BOLL: variants seen among roughly 807,000 people sequenced by gnomAD.
BOLL encodes boule RNA binding protein, also known as protein boule-like.
Under a neutral mutation model 44.4 loss-of-function variants are expected in BOLL, and 23 were observed. That is an observed-to-expected ratio of 0.52 (90% confidence interval 0.37 to 0.73). The LOEUF (loss-of-function observed/expected upper bound fraction) is 0.73. Among genes scored for constraint, BOLL ranks in the 30% least tolerant of loss-of-function variants. BOLL has a pLI of 0.00. For synonymous variants in BOLL, 97 were observed against 110.8 expected, an observed-to-expected ratio of 0.88 and a Z score of 0.78; for missense variants, 287 against 338.3, an observed-to-expected ratio of 0.85 and a Z score of 1.19.
At chr2:197,763,477 C>CT (rs1688855893) in intron 7 of BOLL, among the ~76,000 whole-genome samples, 1 of 61,052 alleles carries the variant, frequency 1.6e-5, no homozygotes, top group Non-Finnish European at 2.8e-5. Context: ...GAGAGTCCGT[C>CT]TTAAAAAAAA....
At chr2:197,757,324 A>G (rs1688561587) in intron 8 of BOLL, 29 bp downstream of exon 8, 4 of 1,579,552 alleles carry the variant, frequency 2.5e-6, no homozygotes, top group Non-Finnish European at 2.6e-6. Flanking sequence ...AGAAGGATTT[A>G]AAATTATATA....
intron 9 of BOLL, among the ~76,000 whole-genome samples, chr2:197,750,166 A>G (rs1688169914): frequency 6.6e-6 from 1 of 152,214 alleles, no homozygotes; most frequent in African/African-American, 2.4e-5. Flanking sequence ...ATGGAAAGGA[A>G]AAACCAGTAC....
chr2:197,769,572 C>T (rs1689144008), intron 6 of BOLL, among the ~76,000 whole-genome samples: 1 of 152,106 alleles, frequency 6.6e-6, no homozygotes, highest in Non-Finnish European at 1.5e-5. Flanking sequence ...TCCCTCTTTG[C>T]AGATGACATG....
intron 9 of BOLL, among the ~76,000 whole-genome samples, chr2:197,751,772 G>A (rs1377411330): frequency 6.6e-6 from 1 of 151,880 alleles, no homozygotes; most frequent in Non-Finnish European, 1.5e-5. Flanking sequence ...AGAAAAAGAG[G>A]GACTCCTTCC....
chr2:197,775,890 G>A, intron 4 of BOLL, 150 bp from the exon 5 acceptor site: 1 of 444,210 alleles, frequency 2.3e-6, no homozygotes, highest in Non-Finnish European at 3.9e-6. Flanking sequence ...GCCGTCTTCA[G>A]ACTGAAATAG....
chr2:197,751,868 C>T (rs1307870842), intron 9 of BOLL, among the ~76,000 whole-genome samples: 1 of 151,204 alleles, frequency 6.6e-6, no homozygotes, highest in Non-Finnish European at 1.5e-5. Flanking sequence ...TTCAGGCCAA[C>T]ATCCCTAATG....
At chr2:197,730,769 A>T (rs1687125462) in intron 10 of BOLL, among the ~76,000 whole-genome samples, 1 of 152,130 alleles carries the variant, frequency 6.6e-6, no homozygotes, top group Non-Finnish European at 1.5e-5. Context: ...ATGCTGAGAG[A>T]TTTTGTCACC....
At chr2:197,752,913 G>A (rs1392246560) in intron 9 of BOLL, among the ~76,000 whole-genome samples, 2 of 152,088 alleles carry the variant, frequency 1.3e-5, no homozygotes, top group African/African-American at 2.4e-5. Flanking sequence ...ATACTACAAG[G>A]CTACACTAAC....
chr2:197,771,049 G>GT (rs1559414284), intron 6 of BOLL, among the ~76,000 whole-genome samples: 1 of 151,990 alleles, frequency 6.6e-6, no homozygotes, highest in East Asian at 1.9e-4. Flanking sequence ...ACATGTAAAC[G>GT]TATGTTTACT....
At chr2:197,757,254 A>C in intron 8 of BOLL, 99 bp downstream of exon 8, 1 of 960,162 alleles carries the variant, frequency 1.0e-6, no homozygotes, top group Non-Finnish European at 1.6e-6. Flanking sequence ...AAACAGAAGA[A>C]GAAGGTCTCA....
intron 4 of BOLL, 79 bp from the exon 5 acceptor site, chr2:197,775,819 A>C: frequency 1.2e-6 from 1 of 823,206 alleles, no homozygotes; most frequent in Non-Finnish European, 1.8e-6. Context: ...ACTAGTTAGA[A>C]AGAATTTCAA....
Position 197,728,372 on chromosome 2 carries a change from G to C in BOLL, c.*183C>G. Reference sequence around the variant, plus strand: ...ACCTAAATAATTTTGTAGAACAGCTGAAAAAGCAAATTTCATCAAATTTAG... The same window carrying C: ...ACCTAAATAATTTTGTAGAACAGCTCAAAAAGCAAATTTCATCAAATTTAG... On this transcript the variant is annotated 3_prime_UTR_variant, in exon 11 of 11. Coordinates refer to ENST00000392296, the MANE Select transcript of BOLL (RefSeq NM_033030.6). 4 of 1,016,008 alleles carry C rather than the reference G, an allele frequency of 3.9e-6. No homozygotes were observed. The highest frequency in any genetic ancestry group is 5.7e-6 in the Non-Finnish European group (4 of 703,684). 62.9% of individuals were successfully genotyped at this position (1,016,008 alleles called of 1,614,324 possible).
At chr2:197,738,922 TAA>T (rs1468397354) in intron 10 of BOLL, among the ~76,000 whole-genome samples, 1 of 152,158 alleles carries the variant, frequency 6.6e-6, no homozygotes, top group Admixed American at 6.6e-5. Context: ...ATTTGTATAT[TAA>T]GATTTCCATG....
intron 9 of BOLL, among the ~76,000 whole-genome samples, chr2:197,754,071 G>A (rs1002721272): frequency 2.6e-5 from 4 of 152,168 alleles, no homozygotes; most frequent in African/African-American, 9.7e-5. Context: ...TCACTCATAA[G>A]TGGGAGTTGA....
In BOLL at chr2:197,785,201, C is replaced by T. The variant is rs528152354; in HGVS notation, c.-161G>A. ...GAAACGAGGATCCACCCCCTCCCCA[C>T]CAAAGTGCGGGAGGGAAAAGAAGGC... On this transcript the variant is annotated 5_prime_UTR_variant, in exon 1 of 11. The change creates a new upstream start codon in the 5' untranslated region. Transcript: ENST00000392296. This position sits in a 1 kb window ranked among gnomAD's most constrained non-coding sequence, Gnocchi z 6.7. 2.0e-6 allele frequency: 2 copies of T among 985,840 alleles called. No homozygotes were observed. The highest frequency in any genetic ancestry group is 3.5e-5 in the African/African-American group (2 of 57,248). 61.1% of individuals were successfully genotyped at this position (985,840 alleles called of 1,614,324 possible). A position where few individuals can be genotyped will look rare whatever the true frequency, so the allele number is the denominator to read the frequency against.
rs1686897456 is a variant in BOLL, at chr2:197,727,439, T to C, written c.*1116A>G. On this transcript the variant is annotated 3_prime_UTR_variant, in exon 11 of 11. Coordinates refer to ENST00000392296, the MANE Select transcript of BOLL (RefSeq NM_033030.6). ...TAAAGAGGAATATTTCCTGTACTACTGTAGAAATTTTAGAGATTAAAAACC... is the reference window on the plus strand; with the variant it reads ...TAAAGAGGAATATTTCCTGTACTACCGTAGAAATTTTAGAGATTAAAAACC... 6.6e-6 allele frequency: 1 copy of C among 152,350 alleles called. No homozygotes were observed. The allele number at this position is 152,350 out of a possible 1,614,324, so 9.4% of individuals were successfully genotyped here.
intron 7 of BOLL, among the ~76,000 whole-genome samples, chr2:197,761,043 AGGTGTGGT>A (rs1323957122): frequency 6.6e-6 from 1 of 152,184 alleles, no homozygotes; most frequent in Non-Finnish European, 1.5e-5. Flanking sequence ...TCACAAGGCC[AGGTGTGGT>A]GGCTCATACT....
In BOLL at chr2:197,726,955, G is replaced by C. The variant is rs1686871852; in HGVS notation, c.*1600C>G. The C allele has an allele frequency of 6.6e-6, 1 of 152,458 alleles. No individual in the cohort carries two copies. Among genetic ancestry groups the C allele is most frequent in the African/African-American group, 2.4e-5 (1 of 41,360 alleles). The allele number at this position is 152,458 out of a possible 1,614,324, so 9.4% of individuals were successfully genotyped here. A position where few individuals can be genotyped will look rare whatever the true frequency, so the allele number is the denominator to read the frequency against. On this transcript the variant is annotated 3_prime_UTR_variant, in exon 11 of 11. Coordinates refer to ENST00000392296, the MANE Select transcript of BOLL (RefSeq NM_033030.6). Reference sequence around the variant, plus strand: ...TTGTTTAGCATCTTGTTTAACATTTGAAAATCAAAACATAAACTTTTTGGT... The same window carrying C: ...TTGTTTAGCATCTTGTTTAACATTTCAAAATCAAAACATAAACTTTTTGGT...
chr2:197,729,660 C>T (rs967398227), intron 10 of BOLL, among the ~76,000 whole-genome samples: 1 of 152,148 alleles, frequency 6.6e-6, no homozygotes, highest in Non-Finnish European at 1.5e-5. Context: ...TGACCCCTGA[C>T]CCCCAAGCAG....
Sources: gnomAD v4.1 joint callset for allele counts (sites outside exome capture counted in the v4.1 genomes callset) on GRCh38, gnomAD v4.1.1 for gene constraint, Gnocchi (gnomAD v3.1) non-coding constraint, MANE v1.5 for transcripts, NCBI Gene and HGNC (gene_info 2026-07-23, HGNC 2026-07-21) for gene names.